The following GALNT6 variants were observed in gnomAD, a reference collection of about 807,000 sequenced individuals.
GALNT6 encodes GalNAc transferase 6.
A neutral mutation model predicts 65.9 loss-of-function variants in GALNT6; 51 were observed. The ratio of observed to expected loss-of-function variants is 0.77; its 90% confidence interval spans 0.62 to 0.98. The LOEUF is 0.98. GALNT6 is among the 50% of genes least tolerant of loss of function. The probability of loss-of-function intolerance (pLI) is 0.00; values close to 1 mark genes in which losing one functional copy is unlikely to be tolerated. For missense variants in GALNT6, 708 were observed against 803.3 expected (o/e 0.88, Z 1.43); for synonymous variants, 323 against 315.1 (o/e 1.02, Z -0.26).
chr12:51,360,044 C>T (rs566350474), intron 7 of GALNT6: 2 of 152,388 alleles, frequency 1.3e-5, no homozygotes, highest in East Asian at 3.9e-4. Flanking sequence ...TAATATGCAT[C>T]AGGCACCGTG....
chr12:51,372,241 G>A (rs909005455), intron 4 of GALNT6, among the ~76,000 whole-genome samples: 10 of 152,204 alleles, frequency 6.6e-5, no homozygotes, highest in South Asian at 4.2e-4. Flanking sequence ...ACAGGGTGTC[G>A]CTCTGTCACC....
At position 51,355,950 on chromosome 12, in the gene GALNT6, C is replaced by T. The variant is rs2137528701; in HGVS notation, c.1611G>A (p.Glu537=). 6.2e-7 allele frequency: 1 copy of T among 1,612,770 alleles called. No homozygotes were observed. The highest frequency in any genetic ancestry group is 2.2e-5 in the East Asian group (1 of 44,846). ...CHGLGGNQYF[E]YTTQRDLRHN... Reference sequence around the variant, plus strand: ...GGCGAAGGTCCCTCTGAGTTGTGTACTCAAAGTACTGGAAATCAAGACAAG... The same window carrying T: ...GGCGAAGGTCCCTCTGAGTTGTGTATTCAAAGTACTGGAAATCAAGACAAG... Residue 537 remains glutamate (E), a synonymous_variant, in exon 11 of 12, where the codon GAG becomes GAA. Transcript: ENST00000356317.
intron 2 of GALNT6, among the ~76,000 whole-genome samples, chr12:51,384,814 G>C (rs1947779866): frequency 6.6e-6 from 1 of 152,052 alleles, no homozygotes; most frequent in African/African-American, 2.4e-5. Context: ...GAGCCCAGGA[G>C]GTTGAGGCTG....
chr12:51,355,671 T>C (rs1480943893), intron 11 of GALNT6, 135 bp downstream of exon 11: 6 of 680,668 alleles, frequency 8.8e-6, no homozygotes, highest in Admixed American at 7.6e-5. Context: ...GGTTTCACCA[T>C]GTTGGCCAGG....
In GALNT6 at chr12:51,377,246, G is replaced by A; in HGVS notation, c.613C>T (p.Pro205Ser). The change falls in exon 4 of 12, where the codon CCT (proline) becomes TCT (serine). Residue 205 changes from proline to serine, a missense_variant. Physicochemically the swap from Pro to Ser is moderately conservative, Grantham distance 74 (BLOSUM62 -1). Coordinates refer to ENST00000356317, the MANE Select transcript of GALNT6 (RefSeq NM_007210.4). ...RTVYSVLHTT[P>S]AILLKEIILV... Reference sequence around the variant, plus strand: ...ATGATCTCCTTGAGCAAGATGGCAGGGGTGGTGTGTAGGACGCTGTACACT... The same window carrying A: ...ATGATCTCCTTGAGCAAGATGGCAGAGGTGGTGTGTAGGACGCTGTACACT... 6.2e-7 allele frequency: 1 copy of A among 1,613,922 alleles called. No individual in the cohort carries two copies. The highest frequency in any genetic ancestry group is 8.5e-7 in the Non-Finnish European group (1 of 1,180,026).
Position 51,354,229 on chromosome 12 carries a change from C to A in GALNT6, c.*150G>T, listed in dbSNP as rs1946681788. 5.6e-6 allele frequency: 3 copies of A among 539,936 alleles called. No homozygotes were observed. The South Asian group carries it at 8.3e-5, about 15-fold the overall frequency. 33.4% of individuals were successfully genotyped at this position (539,936 alleles called of 1,614,324 possible). A position where few individuals can be genotyped will look rare whatever the true frequency, so the allele number is the denominator to read the frequency against. On this transcript the variant is annotated 3_prime_UTR_variant, in exon 12 of 12. Coordinates refer to ENST00000356317, the MANE Select transcript of GALNT6 (RefSeq NM_007210.4). Reference sequence around the variant, plus strand: ...AAAGAAAATGGGCCCAATGTTGTTGCAAGGATTAGGAAGGTCCTGCCTTGC... The same window carrying A: ...AAAGAAAATGGGCCCAATGTTGTTGAAAGGATTAGGAAGGTCCTGCCTTGC...
In GALNT6 at chr12:51,354,364, G is replaced by A. The variant is rs199920813; in HGVS notation, c.*15C>T. 6.8e-4 allele frequency: 948 copies of A among 1,388,766 alleles called. 1 individual carries two copies. Among genetic ancestry groups the A allele is most frequent in the Non-Finnish European group, 9.1e-4 (922 of 1,016,860 alleles). 86.0% of individuals were successfully genotyped at this position (1,388,766 alleles called of 1,614,324 possible). On this transcript the variant is annotated 3_prime_UTR_variant, in exon 12 of 12. Coordinates refer to ENST00000356317, the MANE Select transcript of GALNT6 (RefSeq NM_007210.4). ...GAGGAGCTTGTGGGGGCTCTCTCTG[G>A]GGATGATCTGGGTCCTAGACAAAGA... is the stretch of plus-strand genomic sequence containing the variant.
At position 51,365,451 on chromosome 12, in the gene GALNT6, G is replaced by A. The variant is rs767762433; in HGVS notation, c.793C>T (p.Leu265Phe). 2 of 1,610,618 alleles carry A rather than the reference G, an allele frequency of 1.2e-6. No homozygotes were observed. The highest frequency in any genetic ancestry group is 1.7e-6 in the Non-Finnish European group (2 of 1,179,014). ...LGASVAQAEV[L>F]TFLDAHCECF... is the part of the protein sequence containing the mutation. ...TCACAGTGGGCATCCAGGAACGTGA[G>A]CACCTCCGCCTGTGCCACGCTGGCC... The change falls in exon 5 of 12, where the codon CTC becomes TTC. Residue 265 changes from leucine (L) to phenylalanine (F), a missense_variant. By Grantham distance (22) the Leu-to-Phe change is conservative (BLOSUM62 0). Coordinates refer to ENST00000356317, the MANE Select transcript of GALNT6 (RefSeq NM_007210.4).
intron 3 of GALNT6, among the ~76,000 whole-genome samples, chr12:51,377,777 T>C (rs1022446059): frequency 6.6e-5 from 10 of 152,116 alleles, no homozygotes; most frequent in Non-Finnish European, 1.5e-4. Context: ...AAGGCCAAAT[T>C]TGACATCTGA....
intron 2 of GALNT6, among the ~76,000 whole-genome samples, chr12:51,390,165 T>TC (rs1948001747): frequency 1.7e-5 from 2 of 115,624 alleles, no homozygotes; most frequent in African/African-American, 3.0e-5. Context: ...TCTTTTTTTT[T>TC]TTTTTTTTTT....
At chr12:51,379,942 G>C in intron 2 of GALNT6, 58 bp from the exon 3 acceptor site, 2 of 719,768 alleles carry the variant, frequency 2.8e-6, no homozygotes, top group South Asian at 4.0e-5. Context: ...GGAGGGAGTC[G>C]GGTGCTTGGG....
chr12:51,358,096 G>A (rs749693660), intron 9 of GALNT6, 34 bp downstream of exon 9: 9 of 1,603,140 alleles, frequency 5.6e-6, no homozygotes, highest in African/African-American at 1.3e-5. Context: ...GGGTGCTGTG[G>A]TGATGGGCAG....
At chr12:51,380,836 A>C (rs748549842) in intron 2 of GALNT6, among the ~76,000 whole-genome samples, 4 of 152,232 alleles carry the variant, frequency 2.6e-5, no homozygotes, top group Non-Finnish European at 5.9e-5. Flanking sequence ...CCAGTTTCTG[A>C]AGATGAAGAA....
At position 51,360,789 on chromosome 12, in the gene GALNT6, C is replaced by T. The variant is rs753424964; in HGVS notation, c.1099G>A (p.Glu367Lys). ...GLFSISKSYF[E>K]HIGTYDNQME... ...TGATTATCATAGGTACCGATGTGCT[C>T]AAAGTAGGACTTGGAGATGGAGAAG... The change falls in exon 7 of 12, where the codon GAG becomes AAG. Residue 367 changes from glutamate to lysine, a missense_variant. Physicochemically the swap from Glu to Lys is moderately conservative, Grantham distance 56. Transcript: ENST00000356317. 3.7e-6 allele frequency: 6 copies of T among 1,613,828 alleles called. No homozygotes were observed. Among genetic ancestry groups the T allele is most frequent in the Non-Finnish European group, 5.1e-6 (6 of 1,179,762 alleles).
At chr12:51,380,942 C>G (rs1045853427) in intron 2 of GALNT6, among the ~76,000 whole-genome samples, 7 of 152,190 alleles carry the variant, frequency 4.6e-5, no homozygotes, top group Admixed American at 1.3e-4. Flanking sequence ...TCTTTAGACC[C>G]TATACGTATT....
intron 11 of GALNT6, among the ~76,000 whole-genome samples, 179 bp from the exon 12 acceptor site, chr12:51,354,671 A>G (rs567979258): frequency 1.3e-5 from 2 of 152,114 alleles, no homozygotes; most frequent in Non-Finnish European, 2.9e-5. Flanking sequence ...TCCCACCTCT[A>G]TCTGGTGCCA....
intron 4 of GALNT6, among the ~76,000 whole-genome samples, chr12:51,367,270 A>C (rs372373110): frequency 2.4e-4 from 36 of 151,824 alleles, no homozygotes; most frequent in African/African-American, 7.5e-4. Context: ...AAAAACCAAA[A>C]ACAAACAAAC....
At chr12:51,375,235 CT>C (rs1233794150) in intron 4 of GALNT6, among the ~76,000 whole-genome samples, 13 of 152,254 alleles carry the variant, frequency 8.5e-5, no homozygotes, top group African/African-American at 3.1e-4. Context: ...CACACCAGAT[CT>C]CTTTAACAAA....
chr12:51,380,248 C>T (rs1237673349), intron 2 of GALNT6, among the ~76,000 whole-genome samples: 1 of 152,122 alleles, frequency 6.6e-6, no homozygotes, highest in African/African-American at 2.4e-5. Flanking sequence ...CATTTTATAT[C>T]CCAGACAAAC....
Sources: gnomAD v4.1 joint callset for allele counts (sites outside exome capture counted in the v4.1 genomes callset) on GRCh38, gnomAD v4.1.1 for gene constraint, MANE v1.5 for transcripts, NCBI Gene and HGNC (gene_info 2026-07-23, HGNC 2026-07-21) for gene names.